DNAH14: variants seen among roughly 807,000 people sequenced by gnomAD.
DNAH14 encodes axonemal beta dynein heavy chain 14.
A neutral mutation model predicts 520.9 loss-of-function variants in DNAH14; 478 were observed. The observed-to-expected ratio is 0.92, with a 90% CI of 0.85 to 0.99. DNAH14 has a LOEUF of 0.99. Ranked by LOEUF, DNAH14 falls within the 50% of genes least tolerant of loss-of-function variation. The probability of loss-of-function intolerance (pLI) is 0.00; values close to 1 mark genes in which losing one functional copy is unlikely to be tolerated. For synonymous variants in DNAH14, 1,581 were observed against 1,757.2 expected (o/e 0.90, Z 2.51); for missense variants, 4,831 against 5,234.5 (o/e 0.92, Z 2.38).
intron 8 of DNAH14, among the ~76,000 whole-genome samples, chr1:224,998,396 T>G (rs1394103569): frequency 6.6e-6 from 1 of 152,184 alleles, no homozygotes; most frequent in Admixed American, 6.5e-5. Context: ...GCCTCTTTAA[T>G]GTAAGCATTC....
At chr1:225,382,359 T>G (rs2095793240) in intron 81 of DNAH14, among the ~76,000 whole-genome samples, 1 of 152,094 alleles carries the variant, frequency 6.6e-6, no homozygotes, top group Non-Finnish European at 1.5e-5. Context: ...GTTAAACAGA[T>G]TTACCATTTG....
intron 46 of DNAH14, among the ~76,000 whole-genome samples, chr1:225,262,114 T>C (rs2092954010): frequency 1.3e-5 from 2 of 152,028 alleles, no homozygotes; most frequent in Non-Finnish European, 2.9e-5. Flanking sequence ...ATATATGTCC[T>C]TATTATCAAA....
chr1:224,948,129 C>G (rs2059961205), intron 1 of DNAH14, among the ~76,000 whole-genome samples: 1 of 151,844 alleles, frequency 6.6e-6, no homozygotes, highest in South Asian at 2.1e-4. Context: ...GCCTGATTAA[C>G]TGAAATAAGT....
intron 62 of DNAH14, among the ~76,000 whole-genome samples, chr1:225,323,589 G>A (rs975381256): frequency 1.3e-5 from 2 of 150,464 alleles, no homozygotes; most frequent in African/African-American, 4.9e-5. Context: ...TCAGCCTCCC[G>A]AGTAGCTGGG....
chr1:224,942,878 T>G, intron 1 of DNAH14, among the ~76,000 whole-genome samples: 1 of 152,090 alleles, frequency 6.6e-6, no homozygotes, highest in Non-Finnish European at 1.5e-5. Context: ...TGGATAAGCT[T>G]TTTGATGTGC....
chr1:225,331,523 C>T lies in DNAH14; in HGVS notation c.9810C>T (p.Ala3270=). The T allele has an allele frequency of 6.4e-7, 1 of 1,551,416 alleles. No homozygotes were observed. Among genetic ancestry groups the T allele is most frequent in the Non-Finnish European group, 8.7e-7 (1 of 1,146,836 alleles). Reference sequence around the variant, plus strand: ...TATTAGCAAATCGGAAAACAATGGCCAGCAGGCGCTTTCAGTGTGCGTCAG... The same window carrying T: ...TATTAGCAAATCGGAAAACAATGGCTAGCAGGCGCTTTCAGTGTGCGTCAG... ...KQLLANRKTM[A]SRRFQCASVL... Residue 3270 remains alanine (A), a synonymous_variant, in exon 65 of 86, where the codon GCC becomes GCT. Transcript: ENST00000682510.
rs2095901858 is a variant in DNAH14, at chr1:225,390,936, T to C, written c.13330+1063T>C. On this transcript the variant is annotated intron_variant, in intron 83 of 85. Transcript: ENST00000682510. The stretch of plus-strand genomic sequence containing the variant: ...ACTTCACTACTAAGTGGAATGATTC[T>C]GGGGGTGGGGGGAAACTAATAGGTG... 4.6e-5 allele frequency among the ~76,000 whole-genome samples: 7 copies of C among 151,542 alleles called. No homozygotes were observed. In the South Asian group the frequency reaches 1.5e-3, roughly 32 times the overall value.
intron 81 of DNAH14, 66 bp from the exon 82 acceptor site, chr1:225,388,313 G>C: frequency 1.1e-6 from 1 of 952,114 alleles, no homozygotes; most frequent in East Asian, 2.7e-5. Context: ...AAGGTTTGCA[G>C]AAATGTTCCT....
At chr1:225,216,308 T>C (rs531510533) in intron 41 of DNAH14, among the ~76,000 whole-genome samples, 6 of 152,298 alleles carry the variant, frequency 3.9e-5, no homozygotes, top group Admixed American at 1.3e-4. Flanking sequence ...ACCCAACCTT[T>C]CTCTCTGGCT....
chr1:225,181,495 T>C (rs533116279), intron 36 of DNAH14, among the ~76,000 whole-genome samples: 1 of 152,340 alleles, frequency 6.6e-6, no homozygotes, highest in South Asian at 2.1e-4. Context: ...CATATGTTTT[T>C]GTTTTACATT....
At chr1:225,141,801 C>T (rs949408053) in intron 28 of DNAH14, among the ~76,000 whole-genome samples, 2 of 152,162 alleles carry the variant, frequency 1.3e-5, no homozygotes, top group Admixed American at 1.3e-4. Flanking sequence ...AAACTGCCTT[C>T]CTCCTACCTG....
chr1:225,007,772 G>A (rs1454593027), intron 10 of DNAH14, among the ~76,000 whole-genome samples: 2 of 151,788 alleles, frequency 1.3e-5, no homozygotes, highest in African/African-American at 4.8e-5. Flanking sequence ...GCATATATGT[G>A]TATATCTATA....
At chr1:225,254,527 G>T (rs1353363203) in intron 44 of DNAH14, among the ~76,000 whole-genome samples, 1 of 152,144 alleles carries the variant, frequency 6.6e-6, no homozygotes, top group Non-Finnish European at 1.5e-5. Context: ...GTGGCTGGAA[G>T]ATCAAAACGT....
chr1:225,101,253 A>G (rs1373368119), intron 23 of DNAH14, among the ~76,000 whole-genome samples: 1 of 151,876 alleles, frequency 6.6e-6, no homozygotes, highest in Non-Finnish European at 1.5e-5. Flanking sequence ...GTAGATGTAT[A>G]TATTTATGGG....
Position 224,940,512 on chromosome 1 carries a change from AATTTT to A in DNAH14, c.-34+10693_-34+10697del, listed in dbSNP as rs1411387396. Among the ~76,000 whole-genome samples, 5 of 152,032 alleles carry A rather than the reference AATTTT, an allele frequency of 3.3e-5. No individual in the cohort carries two copies. In the East Asian group the frequency reaches 5.8e-4, roughly 18 times the overall value. ...TTAGAGTGAGGTTTAATAAATTCCT[AATTTT>A]ATTTTATTTTATTTTTATTATACTT... On this transcript the variant is annotated intron_variant, in intron 1 of 85. Transcript: ENST00000682510.
At chr1:225,090,758 C>G (rs1430223852) in intron 21 of DNAH14, among the ~76,000 whole-genome samples, 1 of 152,016 alleles carries the variant, frequency 6.6e-6, no homozygotes, top group Non-Finnish European at 1.5e-5. Flanking sequence ...AATGCAAAAC[C>G]TAAAACTATA....
At chr1:225,123,660 G>A in intron 27 of DNAH14, 46 bp downstream of exon 27, 1 of 277,584 alleles carries the variant, frequency 3.6e-6, no homozygotes, top group Non-Finnish European at 7.9e-6. Flanking sequence ...ACACCTTGGA[G>A]ATATTGCAGG....
At chr1:225,344,408 T>G (rs917610393) in intron 69 of DNAH14, among the ~76,000 whole-genome samples, 4 of 152,188 alleles carry the variant, frequency 2.6e-5, no homozygotes, top group African/African-American at 9.7e-5. Context: ...GGTTCCTGTA[T>G]CTGTTGTTCC....
chr1:225,000,680 G>A (rs572377890), intron 8 of DNAH14, among the ~76,000 whole-genome samples: 1 of 151,064 alleles, frequency 6.6e-6, no homozygotes, highest in East Asian at 2.0e-4. Flanking sequence ...GAGTTCAAAC[G>A]ATTCACTTCC....
Sources: allele counts gnomAD v4.1 joint callset (sites outside exome capture counted in the v4.1 genomes callset), GRCh38; gene constraint gnomAD v4.1.1; transcripts MANE v1.5; gene names NCBI Gene and HGNC (gene_info 2026-07-23, HGNC 2026-07-21).